SLC35F3: variants seen among roughly 807,000 people sequenced by gnomAD.
SLC35F3 encodes solute carrier family 35 member F3.
SLC35F3 carries 25 observed loss-of-function variants against 49.9 expected under a neutral mutation model. The ratio of observed to expected loss-of-function variants is 0.50; its 90% confidence interval spans 0.37 to 0.70. The LOEUF (loss-of-function observed/expected upper bound fraction) is 0.70, where lower values mean the gene tolerates loss of function less well. Ranked by LOEUF, SLC35F3 falls within the 30% of genes least tolerant of loss-of-function variation. SLC35F3 has a pLI of 0.00. For synonymous variants in SLC35F3, 275 were observed against 265.4 expected, an observed-to-expected ratio of 1.04 and a Z score of -0.35; for missense variants, 525 against 639.8, an observed-to-expected ratio of 0.82 and a Z score of 1.94.
chr1:234,078,704 A>G (rs1427267045), intron 2 of SLC35F3, among the ~76,000 whole-genome samples: 1 of 152,188 alleles, frequency 6.6e-6, no homozygotes, highest in Admixed American at 6.5e-5. Context: ...CTGACTCTCA[A>G]AATAGGCAAT....
intron 2 of SLC35F3, among the ~76,000 whole-genome samples, chr1:234,097,907 ATGTGATGGTGG>A (rs1665147999): frequency 6.6e-6 from 1 of 152,152 alleles, no homozygotes; most frequent in African/African-American, 2.4e-5. Context: ...AGTGAAGGTG[ATGTGATGGTGG>A]TGGTAGTGAT....
At chr1:234,298,391 T>C (rs1166650148) in intron 3 of SLC35F3, among the ~76,000 whole-genome samples, 1 of 152,176 alleles carries the variant, frequency 6.6e-6, no homozygotes, top group Non-Finnish European at 1.5e-5. Context: ...ATGAAAGTTT[T>C]TGAGCAAGAA....
intron 3 of SLC35F3, among the ~76,000 whole-genome samples, chr1:234,256,960 T>C (rs1359807911): frequency 1.3e-5 from 2 of 152,238 alleles, no homozygotes; most frequent in African/African-American, 2.4e-5. Flanking sequence ...AAAGCTCTCC[T>C]TTCTAAATTT....
At chr1:233,931,866 C>T (rs917649144) in intron 2 of SLC35F3, among the ~76,000 whole-genome samples, 3 of 152,166 alleles carry the variant, frequency 2.0e-5, no homozygotes, top group African/African-American at 7.2e-5. Context: ...CAGCACTATT[C>T]ACAATAGCAA....
At chr1:234,250,804 AAG>A (rs1356577831) in intron 3 of SLC35F3, among the ~76,000 whole-genome samples, 2 of 152,150 alleles carry the variant, frequency 1.3e-5, no homozygotes, top group Admixed American at 6.5e-5. Flanking sequence ...AAGAAGCAAA[AAG>A]AGAGAGGAGG....
chr1:234,176,116 G>C (rs143413390), intron 2 of SLC35F3, among the ~76,000 whole-genome samples: 2 of 152,142 alleles, frequency 1.3e-5, no homozygotes, highest in East Asian at 3.9e-4. Context: ...CTTTTTTCTG[G>C]GACATAGATG....
intron 2 of SLC35F3, among the ~76,000 whole-genome samples, chr1:234,042,965 G>A (rs1038218967): frequency 4.6e-5 from 7 of 152,118 alleles, no homozygotes; most frequent in African/African-American, 9.7e-5. Context: ...AATTACTTCC[G>A]TAAGTCTAAG....
chr1:234,057,417 T>C (rs1664473028), intron 2 of SLC35F3, among the ~76,000 whole-genome samples: 1 of 152,224 alleles, frequency 6.6e-6, no homozygotes, highest in East Asian at 1.9e-4. Flanking sequence ...TTTTATGCTA[T>C]TGTAAATGGA....
intron 2 of SLC35F3, among the ~76,000 whole-genome samples, chr1:233,994,637 T>C (rs1458736448): frequency 6.6e-6 from 1 of 152,230 alleles, no homozygotes; most frequent in Non-Finnish European, 1.5e-5. Context: ...TTTCTCCTTA[T>C]TCCAGAATGC....
At chr1:233,955,024 A>G (rs534062883) in intron 2 of SLC35F3, among the ~76,000 whole-genome samples, 12 of 151,964 alleles carry the variant, frequency 7.9e-5, no homozygotes, top group African/African-American at 2.9e-4. Flanking sequence ...TTGTATTTTT[A>G]GTGGAGATGG....
chr1:234,271,224 T>C (rs1333690273), intron 3 of SLC35F3, among the ~76,000 whole-genome samples: 1 of 152,210 alleles, frequency 6.6e-6, no homozygotes, highest in Non-Finnish European at 1.5e-5. Flanking sequence ...CAATCATTAC[T>C]ACTGAGATAG....
At position 233,952,770 on chromosome 1, in the gene SLC35F3, A is replaced by G. The variant is rs562060635; in HGVS notation, c.283+47012A>G. Among the ~76,000 whole-genome samples the G allele has an allele frequency of 2.0e-5, 3 of 152,052 alleles. 1 individual carries two copies. The highest frequency in any genetic ancestry group is 1.3e-4 in the Admixed American group (2 of 15,274). ...CTGGTTTCTCTCTCCTCTCCCTCAC[A>G]TGTGCACTGCTGTCCATTTACCATT... On this transcript the variant is annotated intron_variant, in intron 2 of 7. Transcript: ENST00000366618.
At chr1:234,037,626 G>A (rs546822935) in intron 2 of SLC35F3, among the ~76,000 whole-genome samples, 1 of 152,316 alleles carries the variant, frequency 6.6e-6, no homozygotes, top group East Asian at 1.9e-4. Context: ...GGTAGGTATG[G>A]AAGAAAAAAT....
intron 2 of SLC35F3, among the ~76,000 whole-genome samples, chr1:234,110,913 A>C (rs941964647): frequency 1.3e-5 from 2 of 152,210 alleles, no homozygotes; most frequent in African/African-American, 4.8e-5. Flanking sequence ...ACATTATGGA[A>C]TTGTGTAGCC....
At chr1:233,938,207 G>A (rs115182382) in intron 2 of SLC35F3, among the ~76,000 whole-genome samples, 3,041 of 152,224 alleles carry the variant, frequency 0.02, 101 homozygotes, top group African/African-American at 0.07. Flanking sequence ...ATGATGTGGG[G>A]GCCCCAGATA....
chr1:233,931,624 A>C (rs926864404), intron 2 of SLC35F3, among the ~76,000 whole-genome samples: 4 of 152,368 alleles, frequency 2.6e-5, no homozygotes, highest in South Asian at 2.1e-4. Context: ...AATGGCGGTC[A>C]TTAAAAAGTC....
chr1:234,285,112 C>T (rs983921867), intron 3 of SLC35F3: 3 of 276,020 alleles, frequency 1.1e-5, no homozygotes, highest in Non-Finnish European at 1.4e-5. Context: ...ACTCAGTCTC[C>T]TTGGCAAACA....
chr1:233,928,613 A>G (rs886733754), intron 2 of SLC35F3, among the ~76,000 whole-genome samples: 5 of 152,174 alleles, frequency 3.3e-5, no homozygotes, highest in African/African-American at 7.2e-5. Flanking sequence ...TAATGCATCC[A>G]AAGGGCTGAA....
chr1:234,201,614 C>A (rs1009885992), intron 2 of SLC35F3, among the ~76,000 whole-genome samples: 1 of 152,096 alleles, frequency 6.6e-6, no homozygotes, highest in African/African-American at 2.4e-5. Flanking sequence ...AATAAGCAAT[C>A]AAAGTTAAAA....
Sources: allele counts gnomAD v4.1 joint callset (sites outside exome capture counted in the v4.1 genomes callset), GRCh38; gene constraint gnomAD v4.1.1; transcripts MANE v1.5; gene names NCBI Gene and HGNC (gene_info 2026-07-23, HGNC 2026-07-21).